The following CSMD1 variants were observed in gnomAD, a reference collection of about 807,000 sequenced individuals.
CSMD1 encodes the protein CUB and sushi domain-containing protein 1.
In CSMD1, 213 loss-of-function variants were observed where a neutral mutation model predicts 417.5. The observed-to-expected ratio is 0.51, with a 90% CI of 0.46 to 0.57. The LOEUF (loss-of-function observed/expected upper bound fraction) is 0.57. CSMD1 is among the 20% of genes least tolerant of loss of function. CSMD1 has a pLI of 0.00. For missense variants in CSMD1, 6,923 were observed against 4,529.7 expected, an observed-to-expected ratio of 1.53 and a Z score of -15.17; for synonymous variants, 2,862 against 1,736.8, an observed-to-expected ratio of 1.65 and a Z score of -16.11.
At chr8:2,985,826 G>A (rs1336628205) in intron 54 of CSMD1, among the ~76,000 whole-genome samples, 4 of 151,820 alleles carry the variant, frequency 2.6e-5, no homozygotes, top group African/African-American at 9.7e-5. Context: ...TATTCTACAA[G>A]GAAACCGGAA....
intron 1 of CSMD1, among the ~76,000 whole-genome samples, chr8:4,673,929 C>G (rs1228315372): frequency 1.3e-5 from 2 of 151,904 alleles, no homozygotes; most frequent in Non-Finnish European, 2.9e-5. Flanking sequence ...AGATAAAAAG[C>G]CCTAAAATTA....
At chr8:3,263,977 A>G (rs2117106831) in intron 26 of CSMD1, among the ~76,000 whole-genome samples, 1 of 152,336 alleles carries the variant, frequency 6.6e-6, no homozygotes, top group East Asian at 1.9e-4. Context: ...TATTTTTTGC[A>G]TCCTCATGAA....
At chr8:3,318,229 C>T (rs527501141) in intron 23 of CSMD1, among the ~76,000 whole-genome samples, 2 of 152,048 alleles carry the variant, frequency 1.3e-5, no homozygotes, top group Non-Finnish European at 2.9e-5. Context: ...TAACTTCTTA[C>T]TATAATGTTT....
chr8:4,837,637 G>C (rs528784251), intron 1 of CSMD1, among the ~76,000 whole-genome samples: 1 of 152,012 alleles, frequency 6.6e-6, no homozygotes, highest in East Asian at 1.9e-4. Context: ...TTGCTGGGGA[G>C]GTAGGGATAG....
chr8:2,980,315 TCTC>T (rs146468031), intron 54 of CSMD1, among the ~76,000 whole-genome samples: 4,920 of 148,934 alleles, frequency 0.033, 106 homozygotes, highest in Non-Finnish European at 0.035. Context: ...TGCCACCATT[TCTC>T]CTCCTCCTCC....
intron 1 of CSMD1, among the ~76,000 whole-genome samples, chr8:4,943,482 T>C (rs1808159464): frequency 7.2e-6 from 1 of 139,298 alleles, no homozygotes; most frequent in Admixed American, 7.9e-5. Flanking sequence ...GGGGACAGAG[T>C]GAGACACCGT....
At chr8:3,146,324 G>T (rs1469816783) in intron 40 of CSMD1, among the ~76,000 whole-genome samples, 2 of 151,940 alleles carry the variant, frequency 1.3e-5, no homozygotes, top group Non-Finnish European at 2.9e-5. Context: ...AACAAGCCAA[G>T]TCTGTGAAAA....
At chr8:3,358,500 A>G (rs1427080206) in intron 21 of CSMD1, among the ~76,000 whole-genome samples, 1 of 152,192 alleles carries the variant, frequency 6.6e-6, no homozygotes, top group Non-Finnish European at 1.5e-5. Flanking sequence ...CACAGTTCCC[A>G]GATTGCTAAT....
intron 5 of CSMD1, among the ~76,000 whole-genome samples, chr8:3,830,857 G>A (rs1406725252): frequency 6.6e-6 from 1 of 152,186 alleles, no homozygotes; most frequent in Non-Finnish European, 1.5e-5. Context: ...CCTAATGACA[G>A]TTTTAAGTGT....
intron 2 of CSMD1, among the ~76,000 whole-genome samples, chr8:4,572,020 C>A (rs1275267919): frequency 6.6e-6 from 1 of 152,062 alleles, no homozygotes; most frequent in Non-Finnish European, 1.5e-5. Context: ...TGTGTCTTCG[C>A]ACATGAGTCT....
At chr8:3,889,299 G>T (rs1487872301) in intron 5 of CSMD1, among the ~76,000 whole-genome samples, 1 of 150,784 alleles carries the variant, frequency 6.6e-6, no homozygotes, top group Non-Finnish European at 1.5e-5. Flanking sequence ...TTTTTCAGAG[G>T]TTAAAAGGAA....
At chr8:3,604,305 G>C (rs368359164) in intron 8 of CSMD1, among the ~76,000 whole-genome samples, 1 of 152,100 alleles carries the variant, frequency 6.6e-6, no homozygotes, top group African/African-American at 2.4e-5. Flanking sequence ...GCTGCGGGGG[G>C]GGACCAAAGG....
chr8:4,349,728 T>C lies in CSMD1; in HGVS notation c.415+70225A>G, dbSNP rs1800977429. On this transcript the variant is annotated intron_variant, in intron 3 of 69. Coordinates refer to ENST00000635120, the MANE Select transcript of CSMD1 (RefSeq NM_033225.6). The stretch of plus-strand genomic sequence containing the variant: ...AATACAATCATCAGTTACAAGATCA[T>C]TTATTTGACATTTTTCAAATGCCCA... 2.0e-5 allele frequency among the ~76,000 whole-genome samples: 3 copies of C among 152,154 alleles called. No individual in the cohort carries two copies. In the South Asian group the frequency reaches 6.2e-4, roughly 32 times the overall value.
chr8:4,115,478 A>G (rs1338725461), intron 3 of CSMD1, among the ~76,000 whole-genome samples: 1 of 152,174 alleles, frequency 6.6e-6, no homozygotes, highest in South Asian at 2.1e-4. Flanking sequence ...ATAATGCTTT[A>G]GACGTATTTT....
intron 1 of CSMD1, among the ~76,000 whole-genome samples, chr8:4,856,433 A>G (rs1281751688): frequency 7.0e-6 from 1 of 142,090 alleles, no homozygotes; most frequent in Non-Finnish European, 1.5e-5. Context: ...TTTAAATGTC[A>G]ATGGACTAAA....
chr8:3,259,533 G>C (rs1263707180), intron 26 of CSMD1, among the ~76,000 whole-genome samples: 1 of 152,116 alleles, frequency 6.6e-6, no homozygotes, highest in African/African-American at 2.4e-5. Context: ...TAAGGGGTAG[G>C]TTATTTTATT....
At chr8:3,943,468 G>C (rs1209399864) in intron 5 of CSMD1, among the ~76,000 whole-genome samples, 1 of 141,594 alleles carries the variant, frequency 7.1e-6, no homozygotes, top group Non-Finnish European at 1.5e-5. Flanking sequence ...TGACAAAAAT[G>C]ATCAGTCAGT....
intron 3 of CSMD1, among the ~76,000 whole-genome samples, chr8:4,329,646 T>C (rs548883744): frequency 1.3e-4 from 20 of 152,054 alleles, no homozygotes; most frequent in Non-Finnish European, 2.4e-4. Context: ...CTCAGTGATA[T>C]CGTTTGGATC....
At chr8:3,945,362 A>C (rs573639451) in intron 5 of CSMD1, among the ~76,000 whole-genome samples, 63 of 152,272 alleles carry the variant, frequency 4.1e-4, no homozygotes, top group Admixed American at 2.0e-3. Context: ...CAAAGCTTTC[A>C]TAAAGGTAAC....
Sources: gnomAD v4.1 joint callset for allele counts (sites outside exome capture counted in the v4.1 genomes callset) on GRCh38, gnomAD v4.1.1 for gene constraint, MANE v1.5 for transcripts, NCBI Gene and HGNC (gene_info 2026-07-23, HGNC 2026-07-21) for gene names.